Variants in NOS1 observed in about 807,000 individuals in gnomAD.
The protein encoded by NOS1 is NOS type I.
A neutral mutation model predicts 164.5 loss-of-function variants in NOS1; 51 were observed. The observed-to-expected ratio is 0.31, with a 90% CI of 0.25 to 0.39. The LOEUF is 0.39. Ranked by LOEUF, NOS1 falls within the 10% of genes least tolerant of loss-of-function variation. NOS1 has a pLI of 1.00. For synonymous variants in NOS1, 719 were observed against 745.8 expected (o/e 0.96, Z 0.59); for missense variants, 1,362 against 1,885.6 (o/e 0.72, Z 5.14).
Position 117,243,548 on chromosome 12 carries a change from A to ACCATCCAT in NOS1, c.2824-121_2824-114dup, listed in dbSNP as rs34385734. 29,738 of 587,426 alleles carry ACCATCCAT rather than the reference A, an allele frequency of 0.051. 1,143 individuals carry two copies. The highest frequency in any genetic ancestry group is 0.13 in the East Asian group (4,121 of 31,610). 36.4% of individuals were successfully genotyped at this position (587,426 alleles called of 1,614,324 possible). On this transcript the variant is annotated intron_variant, in intron 18 of 28. Coordinates refer to ENST00000317775, the MANE Select transcript of NOS1 (RefSeq NM_000620.5). The surrounding 1 kb of genome is among the most constrained non-coding windows in gnomAD (Gnocchi z 4.3). ...ATTCACCCATCCATCCATCTATCCA[A>ACCATCCAT]CCATCCATCCATCCATCCATCCATC...
At chr12:117,308,846 C>T (rs1381883978) in intron 3 of NOS1, among the ~76,000 whole-genome samples, 8 of 152,078 alleles carry the variant, frequency 5.3e-5, no homozygotes, top group South Asian at 4.2e-4. Context: ...TTGCCTCCCT[C>T]GGCCTCCCAA....
chr12:117,266,440 G>C (rs1220097185), intron 11 of NOS1, among the ~76,000 whole-genome samples: 11 of 152,102 alleles, frequency 7.2e-5, no homozygotes, highest in Admixed American at 7.2e-4. Context: ...CCATGAATTC[G>C]GTTGGTTCCA....
chr12:117,342,483 T>G (rs1876159871), intron 1 of NOS1, among the ~76,000 whole-genome samples: 1 of 151,610 alleles, frequency 6.6e-6, no homozygotes, highest in African/African-American at 2.4e-5. Flanking sequence ...AGAAGGTGGA[T>G]GGAGGAAGTG....
Position 117,214,161 on chromosome 12 carries a change from C to T in NOS1, c.*1148G>A. ...CTTTAACCAGCTTCCATTATTTCAT[C>T]CCCAAGGGTGAAGCAGCAAGCCCGC... is the stretch of plus-strand genomic sequence containing the variant. On this transcript the variant is annotated 3_prime_UTR_variant, in exon 29 of 29. Coordinates refer to ENST00000317775, the MANE Select transcript of NOS1 (RefSeq NM_000620.5). 1.0e-6 allele frequency: 1 copy of T among 985,372 alleles called. No individual in the cohort carries two copies. The highest frequency in any genetic ancestry group is 1.2e-6 in the Non-Finnish European group (1 of 829,930). 61.0% of individuals were successfully genotyped at this position (985,372 alleles called of 1,614,324 possible). A position where few individuals can be genotyped will look rare whatever the true frequency, so the allele number is the denominator to read the frequency against.
intron 17 of NOS1, among the ~76,000 whole-genome samples, chr12:117,248,409 A>G (rs1211438683): frequency 6.8e-6 from 1 of 147,834 alleles, no homozygotes; most frequent in African/African-American, 2.5e-5. Context: ...GTGTGTTCTC[A>G]TTGTTCAATT....
At chr12:117,264,460 CTTTAT>C (rs1872203845) in intron 12 of NOS1, among the ~76,000 whole-genome samples, 1 of 102,096 alleles carries the variant, frequency 9.8e-6, no homozygotes, top group Non-Finnish European at 1.9e-5. Flanking sequence ...TATTTTCTTT[CTTTAT>C]TTTCTTTCTT....
At chr12:117,282,200 A>G (rs114802186) in intron 7 of NOS1, among the ~76,000 whole-genome samples, 1,899 of 152,006 alleles carry the variant, frequency 0.012, 37 homozygotes, top group African/African-American at 0.043. Flanking sequence ...TCTCCTCAAC[A>G]TCATCATCAG....
intron 3 of NOS1, among the ~76,000 whole-genome samples, chr12:117,297,447 A>G (rs926901329): frequency 3.3e-5 from 5 of 151,828 alleles, no homozygotes; most frequent in African/African-American, 9.7e-5. Flanking sequence ...GCTGGAGTGC[A>G]ATGGTGCGAT....
At chr12:117,289,234 AGACT>A (rs1215938359) in intron 4 of NOS1, among the ~76,000 whole-genome samples, 1 of 152,262 alleles carries the variant, frequency 6.6e-6, no homozygotes, top group Non-Finnish European at 1.5e-5. Flanking sequence ...ACCAGTGGTC[AGACT>A]GTGAGAGACA....
At chr12:117,302,936 G>A (rs2136045090) in intron 3 of NOS1, among the ~76,000 whole-genome samples, 1 of 152,192 alleles carries the variant, frequency 6.6e-6, no homozygotes, top group Admixed American at 6.5e-5. Flanking sequence ...AGTAGAGACA[G>A]GGTTTCACCA....
intron 1 of NOS1, among the ~76,000 whole-genome samples, chr12:117,331,713 A>G (rs77515452): frequency 4.8e-4 from 73 of 152,350 alleles, no homozygotes; most frequent in African/African-American, 1.6e-3. Context: ...TTCCATGATC[A>G]AAGCCCTCTG....
intron 2 of NOS1, among the ~76,000 whole-genome samples, chr12:117,325,860 T>A (rs920153176): frequency 6.6e-6 from 1 of 152,224 alleles, no homozygotes; most frequent in Non-Finnish European, 1.5e-5. Context: ...TCCAGTGCAG[T>A]CGTGTCTGAG....
chr12:117,344,306 G>A (rs573496657), intron 1 of NOS1, among the ~76,000 whole-genome samples: 2 of 152,282 alleles, frequency 1.3e-5, no homozygotes, highest in Admixed American at 6.5e-5. Context: ...GTGAATAAGC[G>A]CTCAACTATT....
chr12:117,360,734 G>T lies in NOS1; in HGVS notation c.-421+778C>A, dbSNP rs545861110. On this transcript the variant is annotated intron_variant, in intron 1 of 28. Transcript: ENST00000317775. ...GCCATTACCTGCGGCTCGCAGTTGCGATTCGGCCGCAGAGTCGGGCACCGA... is the reference window on the plus strand; with the variant it reads ...GCCATTACCTGCGGCTCGCAGTTGCTATTCGGCCGCAGAGTCGGGCACCGA... Among the ~76,000 whole-genome samples, 6 of 152,320 alleles carry T rather than the reference G, an allele frequency of 3.9e-5. No individual in the cohort carries two copies. In the South Asian group the frequency reaches 1.2e-3, roughly 32 times the overall value.
intron 1 of NOS1, among the ~76,000 whole-genome samples, chr12:117,331,906 C>T (rs1353193265): frequency 6.6e-6 from 1 of 152,176 alleles, no homozygotes; most frequent in African/African-American, 2.4e-5. Context: ...GCTCAGCTGG[C>T]ACAGATTTTT....
rs887383993 is a variant in NOS1 at position 117,263,855 on chromosome 12, C to A, written c.2222+34G>T. ...TCTGGGTTCTCTGAGTTTGTGGGGACATCCACCCCACCCGCCCACTGCACG... is the reference window on the plus strand; with the variant it reads ...TCTGGGTTCTCTGAGTTTGTGGGGAAATCCACCCCACCCGCCCACTGCACG... On this transcript the variant is annotated intron_variant, in intron 13 of 28. Transcript: ENST00000317775. 9.8e-6 allele frequency: 15 copies of A among 1,528,562 alleles called. 1 individual carries two copies. Among genetic ancestry groups the A allele is most frequent in the Non-Finnish European group, 1.4e-5 (15 of 1,102,718 alleles). The allele number at this position is 1,528,562 out of a possible 1,614,324, so 94.7% of individuals were successfully genotyped here.
intron 18 of NOS1, chr12:117,245,449 C>G (rs1870544191): frequency 6.6e-6 from 1 of 152,182 alleles, no homozygotes; most frequent in Admixed American, 6.5e-5. Flanking sequence ...TAACCCCTAC[C>G]CCTGTGGCTA....
intron 1 of NOS1, among the ~76,000 whole-genome samples, chr12:117,339,842 C>A (rs1876015420): frequency 6.6e-6 from 1 of 152,142 alleles, no homozygotes; most frequent in Admixed American, 6.5e-5. Context: ...ATGCATTCAT[C>A]CATGTTTCCA....
At chr12:117,290,128 G>T (rs1296702007) in intron 4 of NOS1, among the ~76,000 whole-genome samples, 170 bp downstream of exon 4, 1 of 152,184 alleles carries the variant, frequency 6.6e-6, no homozygotes, top group Non-Finnish European at 1.5e-5. Context: ...GACATTTTTG[G>T]TTGTCACAAC....
Sources: allele counts gnomAD v4.1 joint callset (sites outside exome capture counted in the v4.1 genomes callset), GRCh38; gene constraint gnomAD v4.1.1; non-coding constraint Gnocchi (gnomAD v3.1); transcripts MANE v1.5; gene names NCBI Gene and HGNC (gene_info 2026-07-23, HGNC 2026-07-21).